Variants in CACNA2D3 observed in about 807,000 individuals in gnomAD.
CACNA2D3 encodes calcium voltage-gated channel auxiliary subunit alpha2delta 3.
In CACNA2D3, 60 loss-of-function variants were observed where a neutral mutation model predicts 160.6. The observed-to-expected ratio is 0.37, with a 90% CI of 0.30 to 0.46. CACNA2D3 has a LOEUF of 0.46. Among genes scored for constraint, CACNA2D3 ranks in the 20% least tolerant of loss-of-function variants. The probability of loss-of-function intolerance (pLI) is 1.00; values close to 1 mark genes in which losing one functional copy is unlikely to be tolerated. For missense variants in CACNA2D3, 1,205 were observed against 1,365.0 expected (o/e 0.88, Z 1.85); for synonymous variants, 558 against 492.9 (o/e 1.13, Z -1.75).
chr3:54,208,220 C>G (rs1277842566), intron 2 of CACNA2D3, among the ~76,000 whole-genome samples: 1 of 152,142 alleles, frequency 6.6e-6, no homozygotes, highest in East Asian at 1.9e-4. Context: ...ATTCTCCTGC[C>G]TTAACCTCCT....
intron 4 of CACNA2D3, among the ~76,000 whole-genome samples, chr3:54,494,125 A>G (rs926844285): frequency 1.3e-5 from 2 of 152,218 alleles, no homozygotes; most frequent in African/African-American, 4.8e-5. Flanking sequence ...ACACACCCAC[A>G]AAAGAATTAA....
At chr3:54,601,098 C>T (rs953228813) in intron 9 of CACNA2D3, among the ~76,000 whole-genome samples, 2 of 152,200 alleles carry the variant, frequency 1.3e-5, no homozygotes, top group East Asian at 3.8e-4. Flanking sequence ...CGACATTTGA[C>T]TGTGCATTTT....
intron 2 of CACNA2D3, among the ~76,000 whole-genome samples, chr3:54,244,524 A>G (rs371037561): frequency 1.3e-5 from 2 of 152,312 alleles, no homozygotes; most frequent in African/African-American, 4.8e-5. Context: ...CAGGGTTCCC[A>G]CTGTGGCCTC....
intron 2 of CACNA2D3, among the ~76,000 whole-genome samples, chr3:54,134,825 C>G (rs796354364): frequency 6.6e-6 from 1 of 152,328 alleles, no homozygotes; most frequent in African/African-American, 2.4e-5. Flanking sequence ...GCTAGAGTCT[C>G]CCCCAGAAGC....
intron 11 of CACNA2D3, among the ~76,000 whole-genome samples, chr3:54,656,704 A>T (rs1699879954): frequency 1.3e-5 from 2 of 152,240 alleles, no homozygotes; most frequent in Admixed American, 6.5e-5. Flanking sequence ...CACAAGGTGC[A>T]ATCAAATCGC....
intron 2 of CACNA2D3, among the ~76,000 whole-genome samples, chr3:54,188,915 C>T (rs547972577): frequency 1.3e-5 from 2 of 152,278 alleles, no homozygotes; most frequent in East Asian, 3.9e-4. Flanking sequence ...TGTTTGTCCC[C>T]AGCAACTCAG....
chr3:54,575,925 G>A (rs761188993), intron 8 of CACNA2D3, among the ~76,000 whole-genome samples: 1 of 152,174 alleles, frequency 6.6e-6, no homozygotes, highest in African/African-American at 2.4e-5. Context: ...CACATAGGGG[G>A]GTGGGTGAAT....
chr3:54,282,214 G>T (rs1383998305), intron 2 of CACNA2D3, among the ~76,000 whole-genome samples: 1 of 152,192 alleles, frequency 6.6e-6, no homozygotes, highest in Non-Finnish European at 1.5e-5. Flanking sequence ...GGAATGGAGA[G>T]TTGGTGGAAT....
At chr3:54,971,418 A>G (rs1014404700) in intron 29 of CACNA2D3, among the ~76,000 whole-genome samples, 1 of 152,166 alleles carries the variant, frequency 6.6e-6, no homozygotes, top group Non-Finnish European at 1.5e-5. Flanking sequence ...AGTGGGTATA[A>G]TTATGAATCC....
chr3:54,393,644 T>C (rs756124118), intron 4 of CACNA2D3, among the ~76,000 whole-genome samples: 9 of 152,338 alleles, frequency 5.9e-5, no homozygotes, highest in Non-Finnish European at 1.2e-4. Flanking sequence ...TGGTGCCTTG[T>C]CTGCCCAGAG....
chr3:54,834,493 G>T (rs945501944), intron 14 of CACNA2D3, among the ~76,000 whole-genome samples: 1 of 152,184 alleles, frequency 6.6e-6, no homozygotes, highest in African/African-American at 2.4e-5. Context: ...TAAGCAAGAT[G>T]TTAGAACCAT....
chr3:54,878,431 G>A (rs1429265801), intron 18 of CACNA2D3, among the ~76,000 whole-genome samples: 1 of 152,050 alleles, frequency 6.6e-6, no homozygotes, highest in Non-Finnish European at 1.5e-5. Context: ...TCCTAAACAG[G>A]ACCTCCAAAA....
chr3:54,672,013 C>T (rs1304601255), intron 11 of CACNA2D3, among the ~76,000 whole-genome samples: 1 of 152,172 alleles, frequency 6.6e-6, no homozygotes, highest in African/African-American at 2.4e-5. Context: ...TCCAGGTGTA[C>T]TCTGAAAGTT....
chr3:54,938,384 A>G (rs1281623041), intron 27 of CACNA2D3, among the ~76,000 whole-genome samples: 2 of 152,204 alleles, frequency 1.3e-5, no homozygotes, highest in Non-Finnish European at 2.9e-5. Flanking sequence ...GGGGCCATCC[A>G]TGGCCTCAGA....
At chr3:54,549,551 G>A (rs760116324) in intron 5 of CACNA2D3, among the ~76,000 whole-genome samples, 73 of 152,260 alleles carry the variant, frequency 4.8e-4, no homozygotes, top group Admixed American at 2.5e-3. Context: ...CCTGCGTGCC[G>A]TGTCTGGGCC....
At chr3:54,603,089 G>A (rs1479802092) in intron 9 of CACNA2D3, among the ~76,000 whole-genome samples, 1 of 152,202 alleles carries the variant, frequency 6.6e-6, no homozygotes, top group African/African-American at 2.4e-5. Flanking sequence ...AGAAATAACC[G>A]GAGATGAGGG....
At chr3:54,304,960 A>G (rs575339041) in intron 2 of CACNA2D3, among the ~76,000 whole-genome samples, 1 of 152,158 alleles carries the variant, frequency 6.6e-6, no homozygotes, top group East Asian at 1.9e-4. Context: ...ACACACTTGT[A>G]TAATTTGCAT....
At chr3:54,513,670 T>TTTTG (rs139013551) in intron 5 of CACNA2D3, among the ~76,000 whole-genome samples, 74 of 151,972 alleles carry the variant, frequency 4.9e-4, no homozygotes, top group African/African-American at 1.1e-3. Flanking sequence ...TCATGCCTGT[T>TTTTG]TTTGTTTGTT....
intron 2 of CACNA2D3, among the ~76,000 whole-genome samples, chr3:54,204,808 A>AG (rs1701244117): frequency 6.6e-6 from 1 of 150,588 alleles, no homozygotes; most frequent in South Asian, 2.1e-4. Context: ...AAAAAAAAAA[A>AG]AAAAAAAAAA....
Sources: allele counts gnomAD v4.1 joint callset (sites outside exome capture counted in the v4.1 genomes callset), GRCh38; gene constraint gnomAD v4.1.1; transcripts MANE v1.5; gene names NCBI Gene and HGNC (gene_info 2026-07-23, HGNC 2026-07-21).